SMURF1: variants seen among roughly 807,000 people sequenced by gnomAD.
The protein encoded by SMURF1 is E3 ubiquitin-protein ligase SMURF1.
In SMURF1, 44 loss-of-function variants were observed where a neutral mutation model predicts 98.0. The ratio of observed to expected loss-of-function variants is 0.45; its 90% CI spans 0.35 to 0.58. The LOEUF (loss-of-function observed/expected upper bound fraction) is 0.58. SMURF1 is among the 20% of genes least tolerant of loss of function. The probability of loss-of-function intolerance (pLI) is 0.00; values close to 1 mark genes in which losing one functional copy is unlikely to be tolerated. For missense variants in SMURF1, 687 were observed against 938.4 expected, an observed-to-expected ratio of 0.73 and a Z score of 3.50; for synonymous variants, 396 against 374.9, an observed-to-expected ratio of 1.06 and a Z score of -0.65.
At chr7:99,135,004 T>C (rs1450576149) in intron 1 of SMURF1, among the ~76,000 whole-genome samples, 1 of 152,212 alleles carries the variant, frequency 6.6e-6, no homozygotes, top group Non-Finnish European at 1.5e-5. Context: ...ATAAGACAAG[T>C]AGCCAAGAAT....
At position 99,049,687 on chromosome 7, in the gene SMURF1, C is replaced by T. The variant is rs747268270; in HGVS notation, c.829G>A (p.Asp277Asn). 1 of 1,614,104 alleles carries T rather than the reference C, an allele frequency of 6.2e-7. No homozygotes were observed. Among genetic ancestry groups the T allele is most frequent in the Admixed American group, 1.7e-5 (1 of 60,010 alleles). Reference sequence around the variant, plus strand: ...CCTGGCGGCAGTGGTCCAAGTTCATCACAGTTCACACTGTTAAGGTCTCTA... The same window carrying T: ...CCTGGCGGCAGTGGTCCAAGTTCATTACAGTTCACACTGTTAAGGTCTCTA... The part of the protein sequence containing the change: ...IPRDLNSVNC[D>N]ELGPLPPGWE... Residue 277 changes from aspartate to asparagine, a missense_variant, in exon 9 of 18, where the codon GAT (aspartate) becomes AAT (asparagine). By Grantham distance (23) the Asp-to-Asn change is conservative. Transcript: ENST00000361368.
At chr7:99,064,058 C>T (rs531464218) in intron 1 of SMURF1, among the ~76,000 whole-genome samples, 1 of 152,156 alleles carries the variant, frequency 6.6e-6, no homozygotes, top group African/African-American at 2.4e-5. Flanking sequence ...TCTATTGATA[C>T]GGTGCGTGAC....
chr7:99,107,273 T>C (rs1797214363), intron 1 of SMURF1, among the ~76,000 whole-genome samples: 1 of 152,100 alleles, frequency 6.6e-6, no homozygotes, highest in Non-Finnish European at 1.5e-5. Flanking sequence ...TTAAAGAATA[T>C]AAGTGGATTA....
chr7:99,115,160 G>C (rs1410369703), intron 1 of SMURF1, among the ~76,000 whole-genome samples: 1 of 151,956 alleles, frequency 6.6e-6, no homozygotes, highest in African/African-American at 2.4e-5. Context: ...AAGTGAAATA[G>C]AGAATAAAGC....
At chr7:99,054,244 TCACC>T (rs1795828684) in intron 6 of SMURF1, among the ~76,000 whole-genome samples, 2 of 151,860 alleles carry the variant, frequency 1.3e-5, no homozygotes, top group African/African-American at 4.8e-5. Context: ...ATGCTCAAAC[TCACC>T]CATCTTTGGC....
intron 1 of SMURF1, among the ~76,000 whole-genome samples, chr7:99,099,475 C>T (rs1011581448): frequency 2.0e-5 from 3 of 152,098 alleles, no homozygotes; most frequent in Non-Finnish European, 4.4e-5. Flanking sequence ...TTCTAAGGTC[C>T]GTGCAGTAAT....
intron 1 of SMURF1, among the ~76,000 whole-genome samples, chr7:99,090,339 C>G (rs1010807222): frequency 4.6e-5 from 7 of 152,174 alleles, no homozygotes; most frequent in Admixed American, 2.6e-4. Flanking sequence ...ACTAGTTGAT[C>G]ATGGGTTGGG....
chr7:99,075,743 C>G lies in SMURF1; in HGVS notation c.56-13906G>C, dbSNP rs149434457. On this transcript the variant is annotated intron_variant, in intron 1 of 17. Transcript: ENST00000361368. ...GTATGATGTGAGGTAAGGGTTGAGA[C>G]TTATTATTATTCTTTTTTCATAAGG... Among the ~76,000 whole-genome samples the G allele has an allele frequency of 8.0e-3, 1,215 of 152,050 alleles. 10 individuals carry two copies. The highest frequency in any genetic ancestry group is 0.025 in the African/African-American group (1,051 of 41,476).
At chr7:99,042,517 C>T (rs1795425756) in intron 11 of SMURF1, among the ~76,000 whole-genome samples, 1 of 152,124 alleles carries the variant, frequency 6.6e-6, no homozygotes, top group Non-Finnish European at 1.5e-5. Context: ...TCAAATGATC[C>T]ACCCATCTCG....
In SMURF1 at chr7:99,075,133, T is replaced by C. The variant is rs566114807; in HGVS notation, c.56-13296A>G. ...AGACATTCTAGCAAATTATTATTATTTTGAGACAGGGTCTACACTCTGTCA... is the reference window on the plus strand; with the variant it reads ...AGACATTCTAGCAAATTATTATTATCTTGAGACAGGGTCTACACTCTGTCA... On this transcript the variant is annotated intron_variant, in intron 1 of 17. Transcript: ENST00000361368. Among the ~76,000 whole-genome samples, 22 of 152,178 alleles carry C rather than the reference T, an allele frequency of 1.4e-4. 1 individual carries two copies. The Middle Eastern group carries it at 0.01, about 71-fold the overall frequency.
chr7:99,083,294 T>C (rs1351351553), intron 1 of SMURF1, among the ~76,000 whole-genome samples: 1 of 152,222 alleles, frequency 6.6e-6, no homozygotes, highest in African/African-American at 2.4e-5. Flanking sequence ...TAGCATTTTG[T>C]ACTGTTCCAT....
chr7:99,091,024 TACA>T (rs989101815), intron 1 of SMURF1, among the ~76,000 whole-genome samples: 7 of 152,308 alleles, frequency 4.6e-5, no homozygotes, highest in African/African-American at 1.4e-4. Context: ...TATCCATGGC[TACA>T]ACAACAGCAG....
At chr7:99,098,045 A>C (rs1796994081) in intron 1 of SMURF1, among the ~76,000 whole-genome samples, 1 of 152,236 alleles carries the variant, frequency 6.6e-6, no homozygotes, top group Non-Finnish European at 1.5e-5. Flanking sequence ...CAAAATTTTC[A>C]CTGTCAACAT....
At chr7:99,070,955 A>G (rs1024427745) in intron 1 of SMURF1, among the ~76,000 whole-genome samples, 2 of 152,134 alleles carry the variant, frequency 1.3e-5, no homozygotes, top group East Asian at 1.9e-4. Flanking sequence ...AAATATATAT[A>G]TATATTCTGC....
At position 99,047,784 on chromosome 7, in the gene SMURF1, T is replaced by A; in HGVS notation, c.1052A>T (p.Asp351Val). 8 of 1,614,134 alleles carry A rather than the reference T, an allele frequency of 5.0e-6. No individual in the cohort carries two copies. Among genetic ancestry groups the A allele is most frequent in the Non-Finnish European group, 6.8e-6 (8 of 1,180,040 alleles). ...GAGGACTTTCAGCTTCTGGACTAGA[T>A]CTCTTTCGTATCTCTGGGCAGGAAG... ...EELPAQRYERDLVQKLKVLRH... is the reference protein window; with the variant it reads ...EELPAQRYERVLVQKLKVLRH... The change falls in exon 10 of 18, where the codon GAT becomes GTT. Residue 351 changes from aspartate (D) to valine (V), a missense_variant. Around this residue, in one of 2 missense-constraint regions of SMURF1, gnomAD observed 415 missense variants for 508.4 expected, o/e 0.82. Coordinates refer to ENST00000361368, the MANE Select transcript of SMURF1 (RefSeq NM_181349.3).
At chr7:99,032,958 A>C in intron 17 of SMURF1, 79 bp downstream of exon 17, 1 of 1,493,098 alleles carries the variant, frequency 6.7e-7, no homozygotes, top group East Asian at 2.3e-5. Flanking sequence ...TCTCAAAAAA[A>C]AACAACAAAA....
At chr7:99,059,397 C>CAAAAAAAAA (rs1194308241) in intron 3 of SMURF1, among the ~76,000 whole-genome samples, 16 of 57,086 alleles carry the variant, frequency 2.8e-4, no homozygotes, top group African/African-American at 9.3e-4. Flanking sequence ...GACTCCATCT[C>CAAAAAAAAA]AAAAAAAAAT....
At chr7:99,038,266 ATC>A (rs1562998421) in intron 14 of SMURF1, 120 bp downstream of exon 14, 1 of 1,208,732 alleles carries the variant, frequency 8.3e-7, no homozygotes, top group Non-Finnish European at 1.2e-6. Flanking sequence ...TGTTCATGTG[ATC>A]TGATCATAAG....
In SMURF1 at chr7:99,035,690, T is replaced by G; in HGVS notation, c.1836A>C (p.Ile612=). The G allele has an allele frequency of 6.2e-7, 1 of 1,614,152 alleles. No homozygotes were observed. Among genetic ancestry groups the G allele is most frequent in the Non-Finnish European group, 8.5e-7 (1 of 1,179,998 alleles). ...TGTTCGACTTCCAGTCGTTCAAGTC[T>G]ATTTTATCCAGGCCGCCTATGATCA... is the stretch of plus-strand genomic sequence containing the variant. ...LELIIGGLDK[I]DLNDWKSNTR... is the part of the protein sequence containing the mutation. The change falls in exon 16 of 18, where the codon ATA becomes ATC. Residue 612 remains isoleucine, a synonymous_variant. Coordinates refer to ENST00000361368, the MANE Select transcript of SMURF1 (RefSeq NM_181349.3).
Sources: allele counts gnomAD v4.1 joint callset (sites outside exome capture counted in the v4.1 genomes callset), GRCh38; gene constraint gnomAD v4.1.1; regional missense constraint gnomAD v4.1.1; transcripts MANE v1.5; gene names NCBI Gene and HGNC (gene_info 2026-07-23, HGNC 2026-07-21).